Variants in TCF4 observed in about 807,000 individuals in gnomAD.
The protein encoded by TCF4 is transcription factor 4.
A neutral mutation model predicts 82.1 loss-of-function variants in TCF4; 3 were observed. That is an observed-to-expected ratio of 0.04 (90% CI 0.02 to 0.09). The LOEUF is 0.09. TCF4 is among the 10% of genes least tolerant of loss of function. The pLI is 1.00. For missense variants in TCF4, 518 were observed against 852.7 expected, an observed-to-expected ratio of 0.61 and a Z score of 4.89; for synonymous variants, 276 against 309.6, an observed-to-expected ratio of 0.89 and a Z score of 1.14.
chr18:55,425,454 A>G lies in TCF4; in HGVS notation c.305-21936T>C, dbSNP rs1412322131. Among the ~76,000 whole-genome samples, 26 of 151,220 alleles carry G rather than the reference A, an allele frequency of 1.7e-4. 1 individual carries two copies. The South Asian group carries it at 2.5e-3, about 15-fold the overall frequency. ...ATTGAATGAATCTTTCCATTCCCCA[A>G]TGGATCCTATAATTTTTATGCTTAG... On this transcript the variant is annotated intron_variant, in intron 5 of 19. Transcript: ENST00000354452.
At chr18:55,310,078 T>A (rs1422106177) in intron 8 of TCF4, among the ~76,000 whole-genome samples, 1 of 152,188 alleles carries the variant, frequency 6.6e-6, no homozygotes, top group Non-Finnish European at 1.5e-5. Context: ...GGAAGACAGT[T>A]CAAAATAAAT....
intron 6 of TCF4, among the ~76,000 whole-genome samples, chr18:55,399,188 A>C (rs1275630845): frequency 6.6e-6 from 1 of 152,232 alleles, no homozygotes. Context: ...TATTGAATCA[A>C]AAGTAAAAAT....
chr18:55,470,180 T>C (rs148087951), intron 3 of TCF4, among the ~76,000 whole-genome samples: 284 of 152,336 alleles, frequency 1.9e-3, no homozygotes, highest in African/African-American at 6.6e-3. Flanking sequence ...CTAACATTTG[T>C]TAAACACTTA....
chr18:55,566,440 T>C (rs1338638604), intron 3 of TCF4, among the ~76,000 whole-genome samples: 1 of 151,872 alleles, frequency 6.6e-6, no homozygotes, highest in Non-Finnish European at 1.5e-5. Context: ...CATAAATAAA[T>C]ACATATAATA....
chr18:55,415,076 C>G (rs1410743487), intron 5 of TCF4, among the ~76,000 whole-genome samples: 1 of 152,138 alleles, frequency 6.6e-6, no homozygotes, highest in African/African-American at 2.4e-5. Flanking sequence ...CTTTTAAGTT[C>G]TATTCCCAAC....
At chr18:55,345,460 C>T (rs1336515963) in intron 8 of TCF4, among the ~76,000 whole-genome samples, 1 of 152,102 alleles carries the variant, frequency 6.6e-6, no homozygotes, top group Non-Finnish European at 1.5e-5. Context: ...ATAGTTTTGT[C>T]CTATTTGAGA....
At chr18:55,326,292 T>C (rs2147636027) in intron 8 of TCF4, among the ~76,000 whole-genome samples, 1 of 149,740 alleles carries the variant, frequency 6.7e-6, no homozygotes, top group South Asian at 2.1e-4. Flanking sequence ...GAGGCTTAAA[T>C]GAGAGGACAC....
chr18:55,566,226 T>C (rs1280040279), intron 3 of TCF4, among the ~76,000 whole-genome samples: 2 of 151,164 alleles, frequency 1.3e-5, no homozygotes, highest in African/African-American at 4.9e-5. Flanking sequence ...AACTAAAAAA[T>C]AAATAAAAAT....
At chr18:55,554,711 G>A (rs1261221346) in intron 3 of TCF4, among the ~76,000 whole-genome samples, 3 of 152,084 alleles carry the variant, frequency 2.0e-5, no homozygotes, top group Admixed American at 1.3e-4. Flanking sequence ...AACCCCAGGG[G>A]GTGCCATGCA....
chr18:55,241,283 G>A (rs566716725), intron 15 of TCF4, among the ~76,000 whole-genome samples: 3 of 152,138 alleles, frequency 2.0e-5, no homozygotes, highest in Non-Finnish European at 2.9e-5. Context: ...CTCAATTCTC[G>A]ACATCATTTT....
intron 2 of TCF4, among the ~76,000 whole-genome samples, chr18:55,594,524 T>C (rs1048246927): frequency 3.9e-5 from 6 of 152,240 alleles, no homozygotes; most frequent in Admixed American, 2.6e-4. Flanking sequence ...ATGCACACTT[T>C]ACCCTAAAAA....
chr18:55,417,291 C>T (rs972328086), intron 5 of TCF4, among the ~76,000 whole-genome samples: 13 of 152,050 alleles, frequency 8.5e-5, no homozygotes, highest in African/African-American at 2.2e-4. Flanking sequence ...GCCATTTTTA[C>T]CAAATGGAGT....
At chr18:55,597,917 A>T (rs1041119588) in intron 2 of TCF4, among the ~76,000 whole-genome samples, 3 of 152,184 alleles carry the variant, frequency 2.0e-5, no homozygotes, top group African/African-American at 2.4e-5. Flanking sequence ...AGGACACATG[A>T]CATTGAGGAC....
At chr18:55,294,862 C>T (rs1166475991) in intron 8 of TCF4, among the ~76,000 whole-genome samples, 1 of 152,162 alleles carries the variant, frequency 6.6e-6, no homozygotes, top group Admixed American at 6.5e-5. Context: ...TCAGAGAATC[C>T]TCCTGCCTTG....
At chr18:55,259,642 T>C in intron 13 of TCF4, 2 of 304,040 alleles carry the variant, frequency 6.6e-6, no homozygotes, top group Non-Finnish European at 1.2e-5. Context: ...TGAGACGTTT[T>C]ATTGGAATAC....
intron 5 of TCF4, among the ~76,000 whole-genome samples, chr18:55,454,357 G>A (rs1007864708): frequency 6.6e-6 from 1 of 151,864 alleles, no homozygotes; most frequent in Non-Finnish European, 1.5e-5. Context: ...TCTTCTTCTT[G>A]GTACAGTAAG....
At chr18:55,447,450 T>C (rs935080697) in intron 5 of TCF4, among the ~76,000 whole-genome samples, 4 of 152,164 alleles carry the variant, frequency 2.6e-5, no homozygotes, top group African/African-American at 9.7e-5. Context: ...TATTAGGATG[T>C]GGGCCAAGTT....
intron 5 of TCF4, among the ~76,000 whole-genome samples, chr18:55,416,024 T>C (rs2094514289): frequency 6.6e-6 from 1 of 152,176 alleles, no homozygotes; most frequent in Non-Finnish European, 1.5e-5. Context: ...TGGTTTGTGC[T>C]TGATTGATTA....
chr18:55,621,827 T>C (rs1380996598), intron 2 of TCF4, among the ~76,000 whole-genome samples: 1 of 68,730 alleles, frequency 1.5e-5, no homozygotes, highest in Non-Finnish European at 2.8e-5. Context: ...TATTATATAA[T>C]ATATATACAC....
Sources: gnomAD v4.1 joint callset for allele counts (sites outside exome capture counted in the v4.1 genomes callset) on GRCh38, gnomAD v4.1.1 for gene constraint, MANE v1.5 for transcripts, NCBI Gene and HGNC (gene_info 2026-07-23, HGNC 2026-07-21) for gene names.